Variants in ZPBP observed in about 807,000 individuals in gnomAD.
ZPBP encodes the protein zona pellucida binding protein, also known as zona pellucida-binding protein 1.
Under a neutral mutation model 44.8 loss-of-function variants are expected in ZPBP, and 26 were observed. The ratio of observed to expected loss-of-function variants is 0.58; its 90% CI spans 0.43 to 0.81. The LOEUF (loss-of-function observed/expected upper bound fraction) is 0.81. Ranked by LOEUF, ZPBP falls within the 30% of genes least tolerant of loss-of-function variation. The pLI is 0.00. For synonymous variants in ZPBP, 174 were observed against 153.2 expected (o/e 1.14, Z -1.00); for missense variants, 409 against 434.0 (o/e 0.94, Z 0.51).
intron 6 of ZPBP, among the ~76,000 whole-genome samples, chr7:50,001,952 T>G (rs1173555974): frequency 6.6e-6 from 1 of 152,136 alleles, no homozygotes; most frequent in Non-Finnish European, 1.5e-5. Flanking sequence ...TCACTCAGGC[T>G]GCAATGCAGT....
chr7:49,948,001 G>T (rs1381190523), intron 7 of ZPBP, among the ~76,000 whole-genome samples: 2 of 152,178 alleles, frequency 1.3e-5, no homozygotes, highest in Non-Finnish European at 2.9e-5. Context: ...AGCAAGTATT[G>T]CCTGGCTACC....
intron 2 of ZPBP, among the ~76,000 whole-genome samples, chr7:49,893,347 C>A (rs1340005888): frequency 4.6e-5 from 7 of 152,156 alleles, no homozygotes; most frequent in African/African-American, 7.2e-5. Flanking sequence ...CCCTGGGAGT[C>A]ACTGAGAAAG....
chr7:50,005,979 G>A (rs548152432), intron 6 of ZPBP, among the ~76,000 whole-genome samples: 1 of 151,028 alleles, frequency 6.6e-6, no homozygotes, highest in Non-Finnish European at 1.5e-5. Flanking sequence ...ATATTCCTTG[G>A]AAAATAGTAT....
chr7:50,016,182 A>G (rs778463873), intron 6 of ZPBP, among the ~76,000 whole-genome samples: 3 of 152,158 alleles, frequency 2.0e-5, no homozygotes, highest in Non-Finnish European at 4.4e-5. Context: ...AATGGTAGAC[A>G]GGATAAAGAA....
intron 4 of ZPBP, among the ~76,000 whole-genome samples, chr7:50,041,460 G>C (rs1167010737): frequency 6.6e-6 from 1 of 152,188 alleles, no homozygotes; most frequent in Non-Finnish European, 1.5e-5. Flanking sequence ...CCAGAGGAAG[G>C]AACAGGCAGC....
intron 7 of ZPBP, among the ~76,000 whole-genome samples, chr7:49,957,287 A>C (rs1795645231): frequency 6.6e-6 from 1 of 152,216 alleles, no homozygotes; most frequent in South Asian, 2.1e-4. Context: ...CTAAGATAGA[A>C]AATTGATTTT....
chr7:50,043,698 A>G (rs898254748), intron 4 of ZPBP, among the ~76,000 whole-genome samples: 17 of 152,064 alleles, frequency 1.1e-4, no homozygotes, highest in African/African-American at 3.9e-4. Flanking sequence ...AGACCTAGAG[A>G]CTCCCACACA....
chr7:49,904,200 C>T (rs1405100408), intron 1 of ZPBP, among the ~76,000 whole-genome samples: 1 of 152,138 alleles, frequency 6.6e-6, no homozygotes, highest in African/African-American at 2.4e-5. Flanking sequence ...TTACAGGCTG[C>T]TCTTTGTTAG....
intron 3 of ZPBP, among the ~76,000 whole-genome samples, chr7:50,059,457 G>C (rs1801137322): frequency 6.6e-6 from 1 of 152,046 alleles, no homozygotes; most frequent in Non-Finnish European, 1.5e-5. Context: ...TATGAATTTA[G>C]AATACATGTC....
intron 6 of ZPBP, among the ~76,000 whole-genome samples, chr7:49,989,387 G>A (rs186705246): frequency 8.5e-5 from 13 of 152,296 alleles, no homozygotes; most frequent in African/African-American, 3.1e-4. Flanking sequence ...CAAACCCATG[G>A]CTGGGCTTGG....
intron 6 of ZPBP, among the ~76,000 whole-genome samples, chr7:50,001,404 C>G (rs1156774422): frequency 6.6e-6 from 1 of 152,104 alleles, no homozygotes; most frequent in African/African-American, 2.4e-5. Flanking sequence ...AATTGAACAT[C>G]TTTTCCTTCT....
chr7:49,968,302 G>T (rs1425048414), intron 7 of ZPBP, among the ~76,000 whole-genome samples: 1 of 151,882 alleles, frequency 6.6e-6, no homozygotes, highest in Non-Finnish European at 1.5e-5. Context: ...TAGGTTCATG[G>T]ATTCTAAGAA....
At chr7:49,990,561 C>A (rs1219725325) in intron 6 of ZPBP, among the ~76,000 whole-genome samples, 1 of 151,480 alleles carries the variant, frequency 6.6e-6, no homozygotes, top group African/African-American at 2.4e-5. Context: ...AACCCTGGGA[C>A]TCCTTTGAAA....
intron 7 of ZPBP, among the ~76,000 whole-genome samples, chr7:49,949,851 T>A (rs1795261630): frequency 6.6e-6 from 1 of 151,988 alleles, no homozygotes; most frequent in Non-Finnish European, 1.5e-5. Flanking sequence ...TATATTTAAA[T>A]TAGCTAATAT....
chr7:50,060,511 C>T (rs909240138), intron 3 of ZPBP, among the ~76,000 whole-genome samples: 3 of 152,116 alleles, frequency 2.0e-5, no homozygotes, highest in African/African-American at 7.2e-5. Flanking sequence ...ATATAAAAAA[C>T]CATCAGAGAC....
intron 4 of ZPBP, among the ~76,000 whole-genome samples, chr7:50,048,116 G>A (rs1423996414): frequency 6.6e-6 from 1 of 151,706 alleles, no homozygotes; most frequent in African/African-American, 2.4e-5. Flanking sequence ...CAGGTACAAG[G>A]AACACTGAAA....
the ZPBP span, among the ~76,000 whole-genome samples, chr7:49,845,133 G>C: frequency 6.6e-6 from 1 of 152,138 alleles, no homozygotes; most frequent in Non-Finnish European, 1.5e-5. Context: ...CTGTCAGTGG[G>C]GGTGGGGGAA....
intron 6 of ZPBP, among the ~76,000 whole-genome samples, chr7:49,989,094 A>G (rs756739278): frequency 3.9e-5 from 6 of 152,158 alleles, no homozygotes; most frequent in Admixed American, 6.5e-5. Context: ...GCATCAGTAC[A>G]ATAAGGATCC....
At chr7:49,878,329 C>A (rs1486606622) in intron 2 of ZPBP, among the ~76,000 whole-genome samples, 1 of 152,188 alleles carries the variant, frequency 6.6e-6, no homozygotes, top group Non-Finnish European at 1.5e-5. Flanking sequence ...TCTGCCTCTC[C>A]AAGCTCCTTC....
Sources: allele counts gnomAD v4.1 joint callset (sites outside exome capture counted in the v4.1 genomes callset), GRCh38; gene constraint gnomAD v4.1.1; transcripts MANE v1.5; gene names NCBI Gene and HGNC (gene_info 2026-07-23, HGNC 2026-07-21).